Variants in ADGRL3 observed in about 807,000 individuals in gnomAD.
ADGRL3 encodes the protein calcium-independent alpha-latrotoxin receptor 3.
In ADGRL3, 62 loss-of-function variants were observed where a neutral mutation model predicts 153.5. That is an observed-to-expected ratio of 0.40 (90% CI 0.33 to 0.50). The LOEUF (loss-of-function observed/expected upper bound fraction) is 0.50. Ranked by LOEUF, ADGRL3 falls within the 20% of genes least tolerant of loss-of-function variation. The pLI, the probability that ADGRL3 is intolerant of heterozygous loss-of-function variation, is 0.47. For missense variants in ADGRL3, 1,641 were observed against 1,859.4 expected, an observed-to-expected ratio of 0.88 and a Z score of 2.16; for synonymous variants, 710 against 672.5, an observed-to-expected ratio of 1.06 and a Z score of -0.86.
chr4:61,972,951 G>C (rs1322406651), intron 17 of ADGRL3, among the ~76,000 whole-genome samples: 1 of 151,858 alleles, frequency 6.6e-6, no homozygotes, highest in East Asian at 1.9e-4. Flanking sequence ...TTATTACAGG[G>C]TGATTGTTCA....
At position 61,986,916 on chromosome 4, in the gene ADGRL3, C is replaced by CT. The variant is rs552765385; in HGVS notation, c.3236+3314dup. On this transcript the variant is annotated intron_variant, in intron 19 of 26. Coordinates refer to ENST00000683033, the MANE Select transcript of ADGRL3 (RefSeq NM_001387552.1). Reference sequence around the variant, plus strand: ...GCAGATATTGAAAAGAGAACCAGTACTGAGCCATGGTGTTTACTTGAGAAG... The same window carrying CT: ...GCAGATATTGAAAAGAGAACCAGTACTTGAGCCATGGTGTTTACTTGAGAAG... 1.3e-4 allele frequency among the ~76,000 whole-genome samples: 20 copies of CT among 152,224 alleles called. No homozygotes were observed. The South Asian group carries it at 3.3e-3, about 25-fold the overall frequency.
intron 4 of ADGRL3, among the ~76,000 whole-genome samples, chr4:61,584,664 T>A (rs1428657964): frequency 6.6e-6 from 1 of 152,010 alleles, no homozygotes; most frequent in African/African-American, 2.4e-5. Flanking sequence ...AATGTGATTT[T>A]TTATAAAATG....
chr4:61,573,331 A>C (rs1292411502), intron 4 of ADGRL3, among the ~76,000 whole-genome samples: 2 of 151,966 alleles, frequency 1.3e-5, no homozygotes. Context: ...AAGTACACAG[A>C]TTTTAAATAT....
chr4:61,974,534 G>T (rs1282057550), intron 17 of ADGRL3, among the ~76,000 whole-genome samples: 1 of 152,014 alleles, frequency 6.6e-6, no homozygotes, highest in Non-Finnish European at 1.5e-5. Flanking sequence ...AAAAAGTAAA[G>T]AAATATTCAC....
chr4:61,242,740 A>G (rs1755509940), intron 1 of ADGRL3, among the ~76,000 whole-genome samples: 1 of 152,112 alleles, frequency 6.6e-6, no homozygotes. Context: ...CCTTAACTGT[A>G]TAGGAATGTG....
At chr4:61,615,576 T>TTGTGTG (rs138168643) in intron 5 of ADGRL3, among the ~76,000 whole-genome samples, 5,233 of 147,980 alleles carry the variant, frequency 0.035, 110 homozygotes, top group Non-Finnish European at 0.047. Flanking sequence ...GGTTGGAATA[T>TTGTGTG]TGTGTGTGTG....
At chr4:61,717,221 C>CGT (rs1011823361) in intron 6 of ADGRL3, among the ~76,000 whole-genome samples, 3 of 63,844 alleles carry the variant, frequency 4.7e-5, no homozygotes, top group Non-Finnish European at 3.0e-5. Context: ...TGTGTGTGTG[C>CGT]GTGTGTGTGT....
intron 2 of ADGRL3, among the ~76,000 whole-genome samples, chr4:61,421,766 T>C (rs770642848): frequency 2.0e-5 from 3 of 152,188 alleles, no homozygotes; most frequent in Non-Finnish European, 4.4e-5. Flanking sequence ...AGTATTGTAA[T>C]GACAGATAGT....
intron 9 of ADGRL3, among the ~76,000 whole-genome samples, chr4:61,891,012 A>G (rs1035271898): frequency 6.6e-6 from 1 of 152,130 alleles, no homozygotes; most frequent in Non-Finnish European, 1.5e-5. Flanking sequence ...ATTGCACTTA[A>G]TATTTTGAAA....
chr4:62,067,557 G>A (rs1487301589), intron 25 of ADGRL3, among the ~76,000 whole-genome samples: 1 of 151,760 alleles, frequency 6.6e-6, no homozygotes, highest in Non-Finnish European at 1.5e-5. Flanking sequence ...CTCCAAAAAT[G>A]ACAATATTGC....
At chr4:61,955,406 T>C (rs1294815183) in intron 17 of ADGRL3, among the ~76,000 whole-genome samples, 1 of 152,200 alleles carries the variant, frequency 6.6e-6, no homozygotes, top group Non-Finnish European at 1.5e-5. Flanking sequence ...AAGATACATA[T>C]ACTTTCATTC....
chr4:61,497,749 T>TTCCTGACCTCG (rs1553946000), intron 3 of ADGRL3, among the ~76,000 whole-genome samples: 1 of 151,378 alleles, frequency 6.6e-6, no homozygotes, highest in Non-Finnish European at 1.5e-5. Context: ...TGGTCTCGAT[T>TTCCTGACCTCG]TCCTGACCTC....
intron 8 of ADGRL3, among the ~76,000 whole-genome samples, chr4:61,770,354 G>A (rs138079989): frequency 3.1e-4 from 47 of 152,180 alleles, no homozygotes; most frequent in Non-Finnish European, 5.0e-4. Flanking sequence ...TTGTTTAGAA[G>A]CAAGAGTTAT....
chr4:61,374,918 A>T (rs1052252317), intron 1 of ADGRL3, among the ~76,000 whole-genome samples: 1 of 152,032 alleles, frequency 6.6e-6, no homozygotes, highest in African/African-American at 2.4e-5. Flanking sequence ...GAAAAAGCTT[A>T]TCTGAGGTTC....
chr4:61,350,533 G>A (rs1261805343), intron 1 of ADGRL3, among the ~76,000 whole-genome samples: 1 of 151,894 alleles, frequency 6.6e-6, no homozygotes, highest in African/African-American at 2.4e-5. Flanking sequence ...TTGAAGATTT[G>A]GGACAATCCT....
At chr4:61,408,434 C>T (rs1168474138) in intron 2 of ADGRL3, among the ~76,000 whole-genome samples, 1 of 149,434 alleles carries the variant, frequency 6.7e-6, no homozygotes, top group African/African-American at 2.5e-5. Flanking sequence ...TTTTCCTGCT[C>T]TGCTCCCTTT....
intron 8 of ADGRL3, among the ~76,000 whole-genome samples, chr4:61,766,836 T>TA (rs2096988231): frequency 6.6e-6 from 1 of 151,536 alleles, no homozygotes; most frequent in Non-Finnish European, 1.5e-5. Flanking sequence ...GATAGGAGAG[T>TA]ATATGGGTTT....
intron 20 of ADGRL3, 40 bp from the exon 21 acceptor site, chr4:61,998,134 A>G (rs1329415312): frequency 2.6e-6 from 3 of 1,137,068 alleles, no homozygotes; most frequent in Non-Finnish European, 3.8e-6. Flanking sequence ...TTTTGTTCCT[A>G]CTCCAATTAT....
chr4:62,018,419 A>G (rs2099223165), intron 21 of ADGRL3, among the ~76,000 whole-genome samples: 1 of 152,140 alleles, frequency 6.6e-6, no homozygotes, highest in South Asian at 2.1e-4. Context: ...ACTCAGTTTC[A>G]TTGAAGTAGA....
Sources: allele counts gnomAD v4.1 joint callset (sites outside exome capture counted in the v4.1 genomes callset), GRCh38; gene constraint gnomAD v4.1.1; transcripts MANE v1.5; gene names NCBI Gene and HGNC (gene_info 2026-07-23, HGNC 2026-07-21).